RRM2: variants seen among roughly 807,000 people sequenced by gnomAD.
RRM2 encodes ribonucleotide reductase regulatory subunit M2, also known as ribonucleoside-diphosphate reductase subunit M2.
A neutral mutation model predicts 45.9 loss-of-function variants in RRM2; 6 were observed. The observed-to-expected ratio is 0.13, with a 90% CI of 0.07 to 0.26. The LOEUF (loss-of-function observed/expected upper bound fraction) is 0.26, where lower values mean the gene tolerates loss of function less well. Ranked by LOEUF, RRM2 falls within the 10% of genes least tolerant of loss-of-function variation. RRM2 has a pLI of 1.00. For missense variants in RRM2, 343 were observed against 489.5 expected, an observed-to-expected ratio of 0.70 and a Z score of 2.82; for synonymous variants, 177 against 173.0, an observed-to-expected ratio of 1.02 and a Z score of -0.18.
In RRM2 at chr2:10,204,397, G is replaced by A. The variant is rs1171767141; in HGVS notation, n.483-5914G>A. ...GGAGACTCCAGGGAGAGGAATGTGT[G>A]AGAAAATGGGGAGGAGAGGGAGGAA... On this transcript the variant is annotated intron_variant and non_coding_transcript_variant, in intron 3 of 3. Coordinates refer to the RRM2 transcript ENST00000381786. The surrounding 1 kb of genome is among the most constrained non-coding windows in gnomAD (Gnocchi z 4.0). Among the ~76,000 whole-genome samples, 1 of 152,216 alleles carries A rather than the reference G, an allele frequency of 6.6e-6. No homozygotes were observed. Among genetic ancestry groups the A allele is most frequent in the African/African-American group, 2.4e-5 (1 of 41,456 alleles).
At chr2:10,166,070 C>T (rs963926778) in intron 3 of RRM2, among the ~76,000 whole-genome samples, 21 of 152,320 alleles carry the variant, frequency 1.4e-4, no homozygotes, top group African/African-American at 4.1e-4. Flanking sequence ...GGGCTCTGGA[C>T]GGTCCTTCTG....
chr2:10,179,769 C>T (rs935426410), intron 3 of RRM2, among the ~76,000 whole-genome samples: 4 of 152,150 alleles, frequency 2.6e-5, no homozygotes, highest in African/African-American at 9.7e-5. Context: ...TCAAAAAATC[C>T]TGAGTTGAAC....
rs757409672 is a variant in RRM2, at chr2:10,122,908, G to C, written c.99+11G>C. 1.9e-6 allele frequency: 3 copies of C among 1,570,608 alleles called. No individual in the cohort carries two copies. In the East Asian group the frequency reaches 6.9e-5, roughly 36 times the overall value. Reference sequence around the variant, plus strand: ...GACAAGGAGAACACGGTGAGCCCGCGGGGAGGGCGCTGCGGGCAGGGGAGG... The same window carrying C: ...GACAAGGAGAACACGGTGAGCCCGCCGGGAGGGCGCTGCGGGCAGGGGAGG... On this transcript the variant is annotated intron_variant, in intron 1 of 9. Coordinates refer to ENST00000304567, the MANE Select transcript of RRM2 (RefSeq NM_001034.4).
intron 3 of RRM2, among the ~76,000 whole-genome samples, chr2:10,184,463 T>C (rs1664122689): frequency 6.6e-6 from 1 of 152,206 alleles, no homozygotes; most frequent in African/African-American, 2.4e-5. Context: ...ACAAAAGCAA[T>C]GAAAGTCTCA....
chr2:10,162,479 A>T (rs1044623889), intron 3 of RRM2, among the ~76,000 whole-genome samples: 2 of 151,622 alleles, frequency 1.3e-5, no homozygotes, highest in African/African-American at 4.8e-5. Flanking sequence ...GGAGATAGAG[A>T]ACCCCTTCCT....
At chr2:10,193,722 A>G (rs1198334392) in intron 3 of RRM2, among the ~76,000 whole-genome samples, 3 of 152,158 alleles carry the variant, frequency 2.0e-5, no homozygotes, top group Non-Finnish European at 4.4e-5. Context: ...GGGCAGTTGC[A>G]CCATGGGCAG....
intron 3 of RRM2, among the ~76,000 whole-genome samples, chr2:10,208,976 T>C (rs559949797): frequency 6.6e-6 from 1 of 152,010 alleles, no homozygotes; most frequent in Admixed American, 6.5e-5. Context: ...AGACCTGTCC[T>C]GTCTCCTGGT....
At chr2:10,208,157 C>T (rs1355979866) in intron 3 of RRM2, among the ~76,000 whole-genome samples, 1 of 152,054 alleles carries the variant, frequency 6.6e-6, no homozygotes, top group Non-Finnish European at 1.5e-5. Context: ...AGAGCAGGGG[C>T]TTTTTGCAGT....
chr2:10,210,966 C>A, exon 4 of RRM2: 1 of 194,030 alleles, frequency 5.2e-6, no homozygotes, highest in Non-Finnish European at 1.1e-5. Flanking sequence ...GATTTCCAGC[C>A]CCCAGAGCTG....
intron 3 of RRM2, among the ~76,000 whole-genome samples, chr2:10,147,875 T>C (rs984505926): frequency 7.2e-5 from 11 of 152,106 alleles, no homozygotes; most frequent in Non-Finnish European, 1.5e-4. Flanking sequence ...CCAGGTGTGG[T>C]GGTTCCCGCC....
chr2:10,150,561 C>G (rs946395357), intron 3 of RRM2, among the ~76,000 whole-genome samples: 4 of 150,576 alleles, frequency 2.7e-5, no homozygotes, highest in African/African-American at 9.8e-5. Context: ...ATAAACTGCG[C>G]CTATTGAATG....
rs976602196 is a variant in RRM2 at position 10,127,729 on chromosome 2, G to A, written c.798+509G>A. ...CCTCAGGTGATCAGGTGATCCACCC[G>A]CCTCGGCCTCCCAGAGTGCTGGGAT... On this transcript the variant is annotated intron_variant, in intron 7 of 9. Transcript: ENST00000304567. This position sits in a 1 kb window ranked among gnomAD's most constrained non-coding sequence, Gnocchi z 4.1. Among the ~76,000 whole-genome samples the A allele has an allele frequency of 2.0e-5, 3 of 151,818 alleles. No individual in the cohort carries two copies. The highest frequency in any genetic ancestry group is 1.3e-4 in the Admixed American group (2 of 15,240).
chr2:10,168,251 G>GAT (rs1232386153), intron 3 of RRM2, among the ~76,000 whole-genome samples: 1 of 151,954 alleles, frequency 6.6e-6, no homozygotes, highest in Admixed American at 6.5e-5. Context: ...TACCTAAGGC[G>GAT]ATAGTTCCTT....
chr2:10,185,280 AG>A lies in RRM2; in HGVS notation n.483-25030del, dbSNP rs1664140604. ...GAAAGCGAGACAGAGCGTGAGAGTG[AG>A]AGAGAGAGAGAGAGGCAGGAGAGGC... On this transcript the variant is annotated intron_variant and non_coding_transcript_variant, in intron 3 of 3. Coordinates refer to the RRM2 transcript ENST00000381786. The surrounding 1 kb of genome is among the most constrained non-coding windows in gnomAD (Gnocchi z 4.3). Among the ~76,000 whole-genome samples, 4 of 82,256 alleles carry A rather than the reference AG, an allele frequency of 4.9e-5. No individual in the cohort carries two copies. In the South Asian group the frequency reaches 1.2e-3, roughly 25 times the overall value. 54.0% of individuals were successfully genotyped at this position (82,256 alleles called of 152,430 possible).
At chr2:10,147,140 A>G (rs969736876) in intron 3 of RRM2, among the ~76,000 whole-genome samples, 1 of 151,958 alleles carries the variant, frequency 6.6e-6, no homozygotes, top group Non-Finnish European at 1.5e-5. Flanking sequence ...TTTAGTAGAC[A>G]TGGGGTTTCA....
chr2:10,166,776 G>C (rs571667724), intron 3 of RRM2, among the ~76,000 whole-genome samples: 10 of 152,290 alleles, frequency 6.6e-5, no homozygotes, highest in African/African-American at 2.4e-4. Context: ...GCTGAGCGGC[G>C]ATGGAACAGG....
At position 10,131,409 on chromosome 2, in the gene RRM2, A is replaced by G. The variant is rs145536953; in HGVS notation, c.*2023A>G. The G allele has an allele frequency of 1.3e-5, 2 of 151,092 alleles. No individual in the cohort carries two copies. Among genetic ancestry groups the G allele is most frequent in the African/African-American group, 4.9e-5 (2 of 40,634 alleles). The allele number at this position is 151,092 out of a possible 1,614,324, so 9.4% of individuals were successfully genotyped here. Reference sequence around the variant, plus strand: ...AAGTGATTAAAATAAAACTGTTCTTATGTCAGTTTCTTGATTGGTAAAATT... The same window carrying G: ...AAGTGATTAAAATAAAACTGTTCTTGTGTCAGTTTCTTGATTGGTAAAATT... On this transcript the variant is annotated 3_prime_UTR_variant, in exon 10 of 10. Transcript: ENST00000304567.
chr2:10,172,751 G>A lies in RRM2; in HGVS notation n.482+30376G>A, dbSNP rs1663829450. Among the ~76,000 whole-genome samples, 1 of 152,212 alleles carries A rather than the reference G, an allele frequency of 6.6e-6. No homozygotes were observed. The highest frequency in any genetic ancestry group is 2.1e-4 in the South Asian group (1 of 4,832). ...GCTGCACCCAGGACTGCCCACATCA[G>A]TTGCAAAATGCAATGTGGGGCCCTT... On this transcript the variant is annotated intron_variant and non_coding_transcript_variant, in intron 3 of 3. Coordinates refer to the RRM2 transcript ENST00000381786. The surrounding 1 kb of genome is among the most constrained non-coding windows in gnomAD (Gnocchi z 4.9).
At chr2:10,123,923 T>C (rs987291604) in intron 4 of RRM2, 71 bp downstream of exon 4, 3 of 877,668 alleles carry the variant, frequency 3.4e-6, no homozygotes, top group Admixed American at 1.8e-5. Context: ...GCTTTCCTCG[T>C]CTTGTATGTT....
Sources: gnomAD v4.1 joint callset for allele counts (sites outside exome capture counted in the v4.1 genomes callset) on GRCh38, gnomAD v4.1.1 for gene constraint, Gnocchi (gnomAD v3.1) non-coding constraint, MANE v1.5 for transcripts, NCBI Gene and HGNC (gene_info 2026-07-23, HGNC 2026-07-21) for gene names.